RXYLT1: variants seen among roughly 807,000 people sequenced by gnomAD.
RXYLT1 encodes the protein ribitol-5-phosphate xylosyltransferase 1.
RXYLT1 carries 41 observed loss-of-function variants against 43.5 expected under a neutral mutation model. The observed-to-expected ratio is 0.94, with a 90% CI of 0.73 to 1.22. The LOEUF (loss-of-function observed/expected upper bound fraction) is 1.22, where lower values mean the gene tolerates loss of function less well. Ranked by LOEUF, RXYLT1 falls within the 50% of genes most tolerant of loss-of-function variation. The pLI is 0.00. For synonymous variants in RXYLT1, 166 were observed against 194.4 expected, an observed-to-expected ratio of 0.85 and a Z score of 1.21; for missense variants, 514 against 532.0, an observed-to-expected ratio of 0.97 and a Z score of 0.33.
intron 1 of RXYLT1, chr12:63,780,491 C>G: frequency 1.8e-6 from 2 of 1,098,046 alleles, no homozygotes; most frequent in Non-Finnish European, 2.2e-6. Flanking sequence ...CATGTTGAAA[C>G]AAAGCCCTCT....
In RXYLT1 at chr12:63,809,190, G is replaced by A; in HGVS notation, c.*98G>A. 1.1e-6 allele frequency: 1 copy of A among 923,758 alleles called. No homozygotes were observed. The highest frequency in any genetic ancestry group is 1.6e-6 in the Non-Finnish European group (1 of 635,722). The allele number at this position is 923,758 out of a possible 1,614,324, so 57.2% of individuals were successfully genotyped here. On this transcript the variant is annotated 3_prime_UTR_variant, in exon 6 of 6. Transcript: ENST00000261234. Reference sequence around the variant, plus strand: ...TATGTATTTATAGATGTTCTTTAAGGTACCCTTGAAAACTCTACATTATGT... The same window carrying A: ...TATGTATTTATAGATGTTCTTTAAGATACCCTTGAAAACTCTACATTATGT...
intron 3 of RXYLT1, among the ~76,000 whole-genome samples, chr12:63,793,208 T>A (rs1375217934): frequency 6.6e-6 from 1 of 152,250 alleles, no homozygotes; most frequent in East Asian, 1.9e-4. Flanking sequence ...TAATATCCTC[T>A]TTATAGTAAT....
At chr12:63,784,855 G>A (rs1897764893) in intron 2 of RXYLT1, 115 bp from the exon 3 acceptor site, 1 of 794,406 alleles carries the variant, frequency 1.3e-6, no homozygotes. Flanking sequence ...CCAAAGGAGA[G>A]GCATTCTGGT....
At chr12:63,781,862 G>T (rs1042613786) in intron 2 of RXYLT1, among the ~76,000 whole-genome samples, 27 of 152,158 alleles carry the variant, frequency 1.8e-4, no homozygotes, top group Admixed American at 1.4e-3. Context: ...CATATGGATA[G>T]AAAGTACCAG....
chr12:63,800,106 G>A (rs892235541), intron 3 of RXYLT1, among the ~76,000 whole-genome samples: 1 of 152,116 alleles, frequency 6.6e-6, no homozygotes, highest in African/African-American at 2.4e-5. Flanking sequence ...TTTACGTTTT[G>A]TGCTTTAACT....
intron 3 of RXYLT1, among the ~76,000 whole-genome samples, chr12:63,792,816 C>T (rs1021563062): frequency 2.0e-5 from 3 of 152,178 alleles, no homozygotes; most frequent in South Asian, 2.1e-4. Flanking sequence ...GAACCATGGT[C>T]CTCCCTTTAA....
In RXYLT1 at chr12:63,804,950, C is replaced by T. The variant is rs10506465; in HGVS notation, c.744-284C>T. The T allele has an allele frequency of 0.011, 2,983 of 275,756 alleles. 101 individuals are homozygous for T. The highest frequency in any genetic ancestry group is 0.061 in the African/African-American group (2,778 of 45,566). 17.1% of individuals were successfully genotyped at this position (275,756 alleles called of 1,614,324 possible). A position where few individuals can be genotyped will look rare whatever the true frequency, so the allele number is the denominator to read the frequency against. ...AAGGTTTTGAATGTAACATGCCTAA[C>T]AGCTGCAGATGAGTAATGCAAGTTA... On this transcript the variant is annotated intron_variant, in intron 4 of 5. Transcript: ENST00000261234.
chr12:63,806,583 G>A (rs1898297530), intron 5 of RXYLT1: 1 of 152,284 alleles, frequency 6.6e-6, no homozygotes, highest in Non-Finnish European at 1.5e-5. Flanking sequence ...TATGTCTGGA[G>A]TGGAATGAAT....
Position 63,809,254 on chromosome 12 carries a change from T to C in RXYLT1, c.*162T>C. ...ACATTTCAGTCAGTGGTAGACTACA[T>C]ATATGATAGTGGTCCCATAAGATTA... On this transcript the variant is annotated 3_prime_UTR_variant, in exon 6 of 6. Transcript: ENST00000261234. 1 of 554,940 alleles carries C rather than the reference T, an allele frequency of 1.8e-6. No individual in the cohort carries two copies. Among genetic ancestry groups the C allele is most frequent in the South Asian group, 2.4e-5 (1 of 42,204 alleles). The allele number at this position is 554,940 out of a possible 1,614,324, so 34.4% of individuals were successfully genotyped here.
chr12:63,803,571 A>T (rs1444460597), intron 4 of RXYLT1: 3 of 152,116 alleles, frequency 2.0e-5, no homozygotes, highest in Non-Finnish European at 4.4e-5. Context: ...CAGTAATGAG[A>T]TGTATTCCCA....
Position 63,802,497 on chromosome 12 carries a change from C to G in RXYLT1, c.743+92C>G. ...ATTCAAAATTGTAATAAATTTAGTT[C>G]TTCTGGGATTATTGAGGCCAGGTAC... is the stretch of plus-strand genomic sequence containing the variant. On this transcript the variant is annotated intron_variant, in intron 4 of 5. Transcript: ENST00000261234. The G allele has an allele frequency of 2.3e-6, 3 of 1,286,728 alleles. No individual in the cohort carries two copies. In the South Asian group the frequency reaches 5.0e-5, roughly 21 times the overall value. The allele number at this position is 1,286,728 out of a possible 1,614,324, so 79.7% of individuals were successfully genotyped here.
Position 63,781,539 on chromosome 12 carries a change from A to G in RXYLT1, c.325+365A>G, listed in dbSNP as rs901130221. ...ATGTGGCCCCTGCCCTTGATGGCCA[A>G]ACACATTTGGGAAACACTGAAGAGT... On this transcript the variant is annotated intron_variant, in intron 2 of 5. Coordinates refer to ENST00000261234, the MANE Select transcript of RXYLT1 (RefSeq NM_014254.3). Among the ~76,000 whole-genome samples the G allele has an allele frequency of 3.3e-5, 5 of 152,262 alleles. No individual in the cohort carries two copies. In the South Asian group the frequency reaches 6.2e-4, roughly 19 times the overall value.
At chr12:63,785,179 C>A in intron 3 of RXYLT1, 107 bp downstream of exon 3, 1 of 657,308 alleles carries the variant, frequency 1.5e-6, no homozygotes, top group Non-Finnish European at 2.4e-6. Flanking sequence ...TATAAAAATA[C>A]TTCTATTTCA....
chr12:63,780,274 A>T, intron 1 of RXYLT1, 145 bp downstream of exon 1: 1 of 1,361,844 alleles, frequency 7.3e-7, no homozygotes, highest in Non-Finnish European at 9.4e-7. Context: ...CAGCCTCTCG[A>T]GCCAGCCCTT....
intron 3 of RXYLT1, among the ~76,000 whole-genome samples, chr12:63,793,590 ATCTCTTGGTG>A (rs1275700971): frequency 6.6e-6 from 1 of 152,226 alleles, no homozygotes; most frequent in Non-Finnish European, 1.5e-5. Context: ...ATAGAAATTC[ATCTCTTGGTG>A]ATACATTTAG....
At position 63,794,940 on chromosome 12, in the gene RXYLT1, G is replaced by A. The variant is rs148851299; in HGVS notation, c.429-7151G>A. Among the ~76,000 whole-genome samples the A allele has an allele frequency of 3.0e-4, 46 of 152,074 alleles. No homozygotes were observed. In the East Asian group the frequency reaches 8.7e-3, roughly 29 times the overall value. The stretch of plus-strand genomic sequence containing the variant: ...GGGAAGTAAGAAATATATGTATTTT[G>A]GTATGTTAATGTATGGGTGACAGAA... On this transcript the variant is annotated intron_variant, in intron 3 of 5. Coordinates refer to ENST00000261234, the MANE Select transcript of RXYLT1 (RefSeq NM_014254.3).
intron 3 of RXYLT1, among the ~76,000 whole-genome samples, chr12:63,798,813 G>A (rs1297630661): frequency 6.6e-6 from 1 of 152,198 alleles, no homozygotes; most frequent in East Asian, 1.9e-4. Context: ...AAGTTCTATA[G>A]TGCTCAACAG....
intron 2 of RXYLT1, chr12:63,782,823 G>T (rs554987990): frequency 5.2e-6 from 1 of 191,044 alleles, no homozygotes; most frequent in African/African-American, 2.4e-5. Context: ...CTTGTTTCTG[G>T]AACACCCTTT....
chr12:63,801,875 A>G (rs545169263), intron 3 of RXYLT1, among the ~76,000 whole-genome samples: 24 of 152,256 alleles, frequency 1.6e-4, no homozygotes, highest in African/African-American at 5.8e-4. Context: ...TATCATATGC[A>G]AATTGATCTG....
Sources: gnomAD v4.1 joint callset for allele counts (sites outside exome capture counted in the v4.1 genomes callset) on GRCh38, gnomAD v4.1.1 for gene constraint, MANE v1.5 for transcripts, NCBI Gene and HGNC (gene_info 2026-07-23, HGNC 2026-07-21) for gene names.